ULK4: variants seen among roughly 807,000 people sequenced by gnomAD.
ULK4 encodes the protein unc-51 like kinase 4, also known as inactive serine/threonine-protein kinase ULK4.
A neutral mutation model predicts 160.6 loss-of-function variants in ULK4; 133 were observed. The observed-to-expected ratio is 0.83, with a 90% confidence interval of 0.72 to 0.96. The LOEUF is 0.96. ULK4 is among the 40% of genes least tolerant of loss of function. The pLI is 0.00. For missense variants in ULK4, 1,580 were observed against 1,499.5 expected, an observed-to-expected ratio of 1.05 and a Z score of -0.89; for synonymous variants, 534 against 539.8, an observed-to-expected ratio of 0.99 and a Z score of 0.15.
At chr3:41,564,078 A>T (rs2087699739) in intron 32 of ULK4, among the ~76,000 whole-genome samples, 1 of 152,072 alleles carries the variant, frequency 6.6e-6, no homozygotes, top group South Asian at 2.1e-4. Context: ...TGTTGATGCT[A>T]TTCCTTTCTG....
chr3:41,778,190 C>A (rs2039705045), intron 21 of ULK4, among the ~76,000 whole-genome samples: 1 of 105,356 alleles, frequency 9.5e-6, no homozygotes, highest in Non-Finnish European at 1.8e-5. Context: ...ACACCAACAA[C>A]AGACAAACAG....
At chr3:41,904,449 A>AATAG (rs143944576) in intron 12 of ULK4, among the ~76,000 whole-genome samples, 18,780 of 151,930 alleles carry the variant, frequency 0.12, 1,330 homozygotes, top group Middle Eastern at 0.24. Context: ...TAAATAAATA[A>AATAG]ATAGATAGAT....
At chr3:41,671,083 A>G (rs888416250) in intron 29 of ULK4, among the ~76,000 whole-genome samples, 5 of 152,132 alleles carry the variant, frequency 3.3e-5, no homozygotes, top group Non-Finnish European at 7.4e-5. Flanking sequence ...TTTATCTACA[A>G]AAGATTTATC....
At chr3:41,297,447 A>T (rs1030706037) in intron 35 of ULK4, among the ~76,000 whole-genome samples, 10 of 152,208 alleles carry the variant, frequency 6.6e-5, no homozygotes, top group African/African-American at 2.4e-4. Context: ...GGCCGAACTG[A>T]TGCTGATGCT....
chr3:41,848,020 A>G (rs1293606748), intron 17 of ULK4, among the ~76,000 whole-genome samples: 2 of 152,228 alleles, frequency 1.3e-5, no homozygotes, highest in Admixed American at 6.5e-5. Context: ...CTCTGGTGAC[A>G]TCTGCACCAA....
At chr3:41,443,834 CTTA>C (rs2083228163) in intron 34 of ULK4, among the ~76,000 whole-genome samples, 2 of 151,904 alleles carry the variant, frequency 1.3e-5, no homozygotes, top group Non-Finnish European at 1.5e-5. Flanking sequence ...TAATATTTAA[CTTA>C]TGTTACAAAT....
chr3:41,921,358 TC>T (rs1345023058), intron 5 of ULK4, among the ~76,000 whole-genome samples: 1 of 151,810 alleles, frequency 6.6e-6, no homozygotes, highest in Non-Finnish European at 1.5e-5. Context: ...ACACCTGTAA[TC>T]CCAGCATTTT....
In ULK4 at chr3:41,612,212, T is replaced by A. The variant is rs2032717055; in HGVS notation, c.3120+3457A>T. 2.0e-5 allele frequency among the ~76,000 whole-genome samples: 3 copies of A among 152,158 alleles called. No individual in the cohort carries two copies. In the South Asian group the frequency reaches 6.2e-4, roughly 32 times the overall value. On this transcript the variant is annotated intron_variant, in intron 31 of 36. Transcript: ENST00000301831. Reference sequence around the variant, plus strand: ...TCTAGAATCAATCCCACGAGGATACTAGAGCCAAGTATACTTAGCATTGAG... The same window carrying A: ...TCTAGAATCAATCCCACGAGGATACAAGAGCCAAGTATACTTAGCATTGAG...
chr3:41,842,808 G>A (rs1428939852), intron 17 of ULK4, among the ~76,000 whole-genome samples: 1 of 152,178 alleles, frequency 6.6e-6, no homozygotes, highest in Non-Finnish European at 1.5e-5. Flanking sequence ...GGCTAACACA[G>A]GCATTACTGG....
At chr3:41,734,773 T>A (rs1382176908) in intron 22 of ULK4, among the ~76,000 whole-genome samples, 1 of 152,142 alleles carries the variant, frequency 6.6e-6, no homozygotes, top group Admixed American at 6.5e-5. Context: ...CACTGGAAAG[T>A]CACATTAGCC....
chr3:41,767,693 T>C (rs902661364), intron 21 of ULK4, among the ~76,000 whole-genome samples: 3 of 152,294 alleles, frequency 2.0e-5, no homozygotes, highest in South Asian at 2.1e-4. Context: ...TGGCAGCCAG[T>C]GTTGGAATGG....
intron 22 of ULK4, among the ~76,000 whole-genome samples, chr3:41,724,937 T>C (rs181694945): frequency 3.3e-5 from 5 of 152,178 alleles, no homozygotes; most frequent in Non-Finnish European, 5.9e-5. Context: ...GTCCAAGTCT[T>C]GTGCTCATTT....
At chr3:41,483,867 C>G (rs187359110) in intron 32 of ULK4, among the ~76,000 whole-genome samples, 1 of 152,222 alleles carries the variant, frequency 6.6e-6, no homozygotes, top group Non-Finnish European at 1.5e-5. Context: ...ATGACAGAAG[C>G]AAGAAGTTGA....
At chr3:41,415,767 T>C (rs965817669) in intron 34 of ULK4, among the ~76,000 whole-genome samples, 4 of 152,122 alleles carry the variant, frequency 2.6e-5, no homozygotes, top group Non-Finnish European at 5.9e-5. Context: ...TCGTCACTCC[T>C]AGAAATGACC....
chr3:41,754,423 G>A lies in ULK4; in HGVS notation c.2259C>T (p.Phe753=), dbSNP rs1286725033. The A allele has an allele frequency of 1.9e-6, 3 of 1,613,786 alleles. No homozygotes were observed. Among genetic ancestry groups the A allele is most frequent in the East Asian group, 2.2e-5 (1 of 44,848 alleles). ...AAATCAAAATATATAGAAGAACCAG[G>A]AAGGCTTTTGCTCTAATGCATGTTG... ...SPSTCIRAKA[F]LVLLYILIYN... is the part of the protein sequence containing the mutation. The change falls in exon 22 of 37, where the codon TTC becomes TTT. Residue 753 remains phenylalanine (F), a synonymous_variant. Coordinates refer to ENST00000301831, the MANE Select transcript of ULK4 (RefSeq NM_017886.4).
intron 21 of ULK4, among the ~76,000 whole-genome samples, chr3:41,772,595 A>G (rs1387280501): frequency 6.6e-6 from 1 of 152,218 alleles, no homozygotes; most frequent in Non-Finnish European, 1.5e-5. Flanking sequence ...ATCAACCAAA[A>G]AAAGTCCAGG....
At chr3:41,697,353 G>T (rs970419145) in intron 27 of ULK4, among the ~76,000 whole-genome samples, 1 of 151,964 alleles carries the variant, frequency 6.6e-6, no homozygotes, top group Non-Finnish European at 1.5e-5. Flanking sequence ...AGTAAGCCCA[G>T]ACTAACTGTG....
chr3:41,569,257 C>CCCTCT (rs1362421379), intron 31 of ULK4, among the ~76,000 whole-genome samples: 2 of 152,070 alleles, frequency 1.3e-5, no homozygotes, highest in Non-Finnish European at 2.9e-5. Context: ...TAACCTCAGC[C>CCCTCT]CCTCTCCCCT....
At chr3:41,842,885 A>T (rs1314587188) in intron 17 of ULK4, among the ~76,000 whole-genome samples, 2 of 152,242 alleles carry the variant, frequency 1.3e-5, no homozygotes. Flanking sequence ...AGAATAGCCA[A>T]GAGATTTTTG....
Sources: gnomAD v4.1 joint callset for allele counts (sites outside exome capture counted in the v4.1 genomes callset) on GRCh38, gnomAD v4.1.1 for gene constraint, MANE v1.5 for transcripts, NCBI Gene and HGNC (gene_info 2026-07-23, HGNC 2026-07-21) for gene names.